GPR137: variants seen among roughly 807,000 people sequenced by gnomAD.
GPR137 encodes the protein integral membrane protein GPR137.
In GPR137, 20 loss-of-function variants were observed where a neutral mutation model predicts 38.9. That is an observed-to-expected ratio of 0.51 (90% CI 0.36 to 0.75). The LOEUF (loss-of-function observed/expected upper bound fraction) is 0.75. GPR137 is among the 30% of genes least tolerant of loss of function. GPR137 has a pLI of 0.00. For missense variants in GPR137, 456 were observed against 526.4 expected, an observed-to-expected ratio of 0.87 and a Z score of 1.31; for synonymous variants, 226 against 235.8, an observed-to-expected ratio of 0.96 and a Z score of 0.38.
intron 2 of GPR137, chr11:64,276,672 TG>T: frequency 5.7e-6 from 3 of 524,964 alleles, no homozygotes; most frequent in Non-Finnish European, 1.0e-5. Context: ...GGAAAAACCC[TG>T]GGGGAGTGTC....
chr11:64,287,053 CAG>C, intron 2 of GPR137, 39 bp downstream of exon 2: 1 of 1,603,498 alleles, frequency 6.2e-7, no homozygotes, highest in Non-Finnish European at 8.5e-7. Context: ...GCCTCCAGGT[CAG>C]GGGCAGGTGA....
Position 64,287,947 on chromosome 11 carries a change from G to C in GPR137, c.633+1G>C. ...CACTAGCATCTACCTGGAGGCCAAGGTAGGGCTGCAGCACTGATGCCCAGG... is the reference window on the plus strand; with the variant it reads ...CACTAGCATCTACCTGGAGGCCAAGCTAGGGCTGCAGCACTGATGCCCAGG... On this transcript the variant is annotated splice_donor_variant, in intron 3 of 6. Coordinates refer to ENST00000438980, the MANE Select transcript of GPR137 (RefSeq NM_001170880.2). LOFTEE classifies it high-confidence loss of function. 1 of 1,601,342 alleles carries C rather than the reference G, an allele frequency of 6.2e-7. No homozygotes were observed. The highest frequency in any genetic ancestry group is 8.5e-7 in the Non-Finnish European group (1 of 1,179,906).
chr11:64,282,074 T>C (rs1311116073), upstream of GPR137, among the ~76,000 whole-genome samples: 2 of 152,198 alleles, frequency 1.3e-5, no homozygotes, highest in African/African-American at 4.8e-5. Context: ...CATGATAGGA[T>C]GCTTTTGTGC....
chr11:64,271,907 T>A (rs2032657599), upstream of GPR137: 1 of 988,708 alleles, frequency 1.0e-6, no homozygotes, highest in Non-Finnish European at 1.3e-6. Context: ...CACTCGTGGG[T>A]CTTCCAGGGG....
upstream of GPR137, chr11:64,285,309 G>A (rs1225055754): frequency 1.0e-6 from 1 of 985,700 alleles, no homozygotes; most frequent in Non-Finnish European, 1.2e-6. Flanking sequence ...GGCGCGGGAG[G>A]AGGGCCGGGG....
upstream of GPR137, among the ~76,000 whole-genome samples, chr11:64,274,386 C>T (rs1350144916): frequency 7.3e-6 from 1 of 136,850 alleles, no homozygotes; most frequent in African/African-American, 2.8e-5. Flanking sequence ...AACTCTACCT[C>T]GAGAAAAAAA....
upstream of GPR137, among the ~76,000 whole-genome samples, chr11:64,280,977 T>C (rs1376823992): frequency 1.2e-4 from 18 of 150,780 alleles, no homozygotes; most frequent in Admixed American, 1.2e-3. Context: ...CAATAATAAT[T>C]TTTTTTTTGA....
rs1029053179 is a variant in GPR137, at chr11:64,286,045, A to G, written c.-480A>G. On this transcript the variant is annotated 5_prime_UTR_variant, in exon 1 of 7. Coordinates refer to ENST00000438980, the MANE Select transcript of GPR137 (RefSeq NM_001170880.2). ...GGCAGAGGCCCTCCCCATCCGCATT[A>G]TTGGAGGAGAGAGAGCCTCCCCCAG... The G allele has an allele frequency of 1.2e-5, 12 of 986,624 alleles. No homozygotes were observed. The African/African-American group carries it at 1.9e-4, about 16-fold the overall frequency. 61.1% of individuals were successfully genotyped at this position (986,624 alleles called of 1,614,324 possible).
chr11:64,270,831 G>A (rs192963740), upstream of GPR137, among the ~76,000 whole-genome samples: 1 of 152,074 alleles, frequency 6.6e-6, no homozygotes, highest in African/African-American at 2.4e-5. Context: ...GGTCTTCCAA[G>A]AATTCGGGGA....
chr11:64,285,924 C>A lies in GPR137; in HGVS notation c.-601C>A. ...GGCTCTCCCATCAGCGGCCTGAGGA[C>A]CTGGCGTCCGCCTCCTCCCTCCCCT... On this transcript the variant is annotated 5_prime_UTR_variant, in exon 1 of 7. Coordinates refer to ENST00000438980, the MANE Select transcript of GPR137 (RefSeq NM_001170880.2). 1 of 966,848 alleles carries A rather than the reference C, an allele frequency of 1.0e-6. No homozygotes were observed. Among genetic ancestry groups the A allele is most frequent in the Non-Finnish European group, 1.2e-6 (1 of 812,932 alleles). 59.9% of individuals were successfully genotyped at this position (966,848 alleles called of 1,614,324 possible). A position where few individuals can be genotyped will look rare whatever the true frequency, so the allele number is the denominator to read the frequency against.
upstream of GPR137, chr11:64,271,658 G>A (rs1311826082): frequency 1.3e-6 from 2 of 1,509,150 alleles, no homozygotes; most frequent in Non-Finnish European, 1.8e-6. Flanking sequence ...GGAGCTCGCG[G>A]CCATAGCGCT....
chr11:64,274,992 C>CAAAAAAA (rs34418386), upstream of GPR137, among the ~76,000 whole-genome samples: 542 of 54,396 alleles, frequency 1.0e-2, 78 homozygotes, highest in African/African-American at 0.048. Context: ...GACTTTGTCT[C>CAAAAAAA]AAAAAAAAAA....
Position 64,286,171 on chromosome 11 carries a change from T to C in GPR137, c.-354T>C, listed in dbSNP as rs1431658613. Reference sequence around the variant, plus strand: ...CTCTCCCCCTCCACCCAGGACGACATGAACGACCGAGGCCAGGGAGTCCTC... The same window carrying C: ...CTCTCCCCCTCCACCCAGGACGACACGAACGACCGAGGCCAGGGAGTCCTC... On this transcript the variant is annotated 5_prime_UTR_variant, in exon 1 of 7. An upstream start codon of the reference 5' UTR is lost. Transcript: ENST00000438980. 7.6e-6 allele frequency: 8 copies of C among 1,054,968 alleles called. No homozygotes were observed. The East Asian group carries it at 4.8e-4, about 64-fold the overall frequency. The allele number at this position is 1,054,968 out of a possible 1,614,324, so 65.4% of individuals were successfully genotyped here. A position where few individuals can be genotyped will look rare whatever the true frequency, so the allele number is the denominator to read the frequency against.
Position 64,288,909 on chromosome 11 carries a change from T to A in GPR137, c.1032-128T>A. ...AAAGCCTCCACCTCTTGCCTAGAGA[T>A]GTACTTTGTCCTGGGCCCCGAAGGT... On this transcript the variant is annotated intron_variant, in intron 6 of 6. Coordinates refer to ENST00000438980, the MANE Select transcript of GPR137 (RefSeq NM_001170880.2). This position sits in a 1 kb window ranked among gnomAD's most constrained non-coding sequence, Gnocchi z 5.5. 2.1e-6 allele frequency: 3 copies of A among 1,441,354 alleles called. No individual in the cohort carries two copies. Among genetic ancestry groups the A allele is most frequent in the Non-Finnish European group, 1.8e-6 (2 of 1,102,566 alleles). 89.3% of individuals were successfully genotyped at this position (1,441,354 alleles called of 1,614,324 possible).
chr11:64,273,979 G>A (rs778784219), upstream of GPR137, among the ~76,000 whole-genome samples: 3 of 152,104 alleles, frequency 2.0e-5, no homozygotes, highest in Non-Finnish European at 4.4e-5. Flanking sequence ...AACTGAAGGC[G>A]GGGGATAACC....
At chr11:64,271,823 A>AG (rs2032648275), upstream of GPR137, 1 of 1,373,384 alleles carries the variant, frequency 7.3e-7, no homozygotes, top group Non-Finnish European at 9.4e-7. Context: ...GTCAGTGGGT[A>AG]GGGGGGCGAC....
chr11:64,274,373 T>G (rs2032887962), upstream of GPR137, among the ~76,000 whole-genome samples: 5 of 131,660 alleles, frequency 3.8e-5, no homozygotes, highest in Non-Finnish European at 3.2e-5. Context: ...GGTGACAGAG[T>G]GAAACTCTAC....
upstream of GPR137, among the ~76,000 whole-genome samples, chr11:64,283,966 C>T (rs1240573767): frequency 6.6e-6 from 1 of 152,240 alleles, no homozygotes; most frequent in Non-Finnish European, 1.5e-5. Context: ...TGTGCACCAG[C>T]TCTGTAATCA....
chr11:64,287,851 G>A lies in GPR137; in HGVS notation c.538G>A (p.Asp180Asn), dbSNP rs909951119. Residue 180 changes from aspartate to asparagine, a missense_variant, in exon 3 of 7, where the codon GAC becomes AAC. By Grantham distance (23) the Asp-to-Asn change is conservative. Transcript: ENST00000438980. Reference protein sequence around the residue: ...ALLLVRVLVSDSLFVICALSL... With the variant: ...ALLLVRVLVSNSLFVICALSL... ...GCTGCTTGTCCGCGTCCTGGTGAGC[G>A]ACTCCCTGTTCGTCATCTGCGCGCT... 27 of 1,605,406 alleles carry A rather than the reference G, an allele frequency of 1.7e-5. No homozygotes were observed. The highest frequency in any genetic ancestry group is 2.3e-5 in the Non-Finnish European group (27 of 1,179,950).
Sources: allele counts gnomAD v4.1 joint callset (sites outside exome capture counted in the v4.1 genomes callset), GRCh38; gene constraint gnomAD v4.1.1; non-coding constraint Gnocchi (gnomAD v3.1); transcripts MANE v1.5; gene names NCBI Gene and HGNC (gene_info 2026-07-23, HGNC 2026-07-21).